Variants in CMTR1 observed in about 807,000 individuals in gnomAD.
CMTR1 encodes the protein cap-specific mRNA (nucleoside-2'-O-)-methyltransferase 1.
In CMTR1, 39 loss-of-function variants were observed where a neutral mutation model predicts 107.0. The ratio of observed to expected loss-of-function variants is 0.36; its 90% CI spans 0.28 to 0.48. The LOEUF (loss-of-function observed/expected upper bound fraction) is 0.48. Among genes scored for constraint, CMTR1 ranks in the 20% least tolerant of loss-of-function variants. The pLI is 0.99. For synonymous variants in CMTR1, 366 were observed against 379.5 expected (o/e 0.96, Z 0.41); for missense variants, 672 against 1,064.9 (o/e 0.63, Z 5.14).
the CMTR1 span, among the ~76,000 whole-genome samples, chr6:37,425,710 C>G: frequency 6.6e-6 from 1 of 152,252 alleles, no homozygotes; most frequent in South Asian, 2.1e-4. Context: ...TTGCTGCTTT[C>G]AAGATTCTCT....
At position 37,473,613 on chromosome 6, in the gene CMTR1, G is replaced by A. The variant is rs768120467; in HGVS notation, c.1821+12G>A. ...TCATCGGCCTGGGGGTAAGTCTGCA[G>A]CTGGCTTCCTGCCCAGCTTGGAATG... On this transcript the variant is annotated intron_variant, in intron 17 of 23. Transcript: ENST00000373451. 19 of 1,611,850 alleles carry A rather than the reference G, an allele frequency of 1.2e-5. No individual in the cohort carries two copies. The highest frequency in any genetic ancestry group is 1.5e-5 in the Non-Finnish European group (18 of 1,178,826).
chr6:37,461,816 C>T, intron 11 of CMTR1, 154 bp from the exon 12 acceptor site: 1 of 929,632 alleles, frequency 1.1e-6, no homozygotes, highest in Non-Finnish European at 1.7e-6. Context: ...TCAAAGTCCC[C>T]TCCAAAGATG....
intron 3 of CMTR1, 133 bp downstream of exon 3, chr6:37,444,283 A>T: frequency 2.8e-6 from 3 of 1,082,088 alleles, no homozygotes; most frequent in Non-Finnish European, 4.0e-6. Flanking sequence ...GAAATTTAGC[A>T]GAGTGTGACC....
upstream of CMTR1, among the ~76,000 whole-genome samples, chr6:37,432,794 C>G (rs1478889106): frequency 3.3e-5 from 5 of 152,184 alleles, no homozygotes; most frequent in African/African-American, 9.7e-5. Context: ...ATGCTACAGG[C>G]GGCATTCCTT....
chr6:37,475,222 C>T, intron 18 of CMTR1, 99 bp from the exon 19 acceptor site: 1 of 928,594 alleles, frequency 1.1e-6, no homozygotes. Context: ...TACCCTTCCC[C>T]CAGCTGTAGG....
rs545981231 is a variant in CMTR1, at chr6:37,469,902, C to T, written c.1506-1119C>T. 4.0e-5 allele frequency among the ~76,000 whole-genome samples: 6 copies of T among 151,212 alleles called. No homozygotes were observed. The South Asian group carries it at 1.2e-3, about 31-fold the overall frequency. ...TATGTTAAGCAGTTTGCTATTGTCCCCAATACCTAGATGATCTGTTTTTTT... is the reference window on the plus strand; with the variant it reads ...TATGTTAAGCAGTTTGCTATTGTCCTCAATACCTAGATGATCTGTTTTTTT... On this transcript the variant is annotated intron_variant, in intron 13 of 23. Coordinates refer to ENST00000373451, the MANE Select transcript of CMTR1 (RefSeq NM_015050.3).
chr6:37,453,388 G>T, intron 8 of CMTR1, 76 bp downstream of exon 8: 1 of 1,316,444 alleles, frequency 7.6e-7, no homozygotes. Flanking sequence ...ATTGCCATTT[G>T]TTCAATGCTA....
At position 37,466,108 on chromosome 6, in the gene CMTR1, G is replaced by GTTTTTTTTTTTTTTTTTTTTTTTT. The variant is rs747910111; in HGVS notation, c.1505+3105_1505+3106insTTTTTTTTTTTTTTTTTTTTTTTT. 1.6e-5 allele frequency among the ~76,000 whole-genome samples: 2 copies of GTTTTTTTTTTTTTTTTTTTTTTTT among 127,712 alleles called. 1 individual carries two copies. The allele number at this position is 127,712 out of a possible 152,430, so 83.8% of individuals were successfully genotyped here. On this transcript the variant is annotated intron_variant, in intron 13 of 23. Coordinates refer to ENST00000373451, the MANE Select transcript of CMTR1 (RefSeq NM_015050.3). Reference sequence around the variant, plus strand: ...CTCTATGTTTTTAAAGAGTTTTACAGTTTTTGTTTTTTTTTTTTTTTTTGA... The same window carrying GTTTTTTTTTTTTTTTTTTTTTTTT: ...CTCTATGTTTTTAAAGAGTTTTACAGTTTTTTTTTTTTTTTTTTTTTTTTTTTTTGTTTTTTTTTTTTTTTTTGA...
At chr6:37,470,348 G>A (rs964487689) in intron 13 of CMTR1, among the ~76,000 whole-genome samples, 4 of 151,982 alleles carry the variant, frequency 2.6e-5, no homozygotes, top group East Asian at 3.9e-4. Context: ...GGGTTTCACC[G>A]TGTTAGCCAG....
chr6:37,436,253 G>C (rs150531727), intron 2 of CMTR1: 1 of 152,532 alleles, frequency 6.6e-6, no homozygotes, highest in Non-Finnish European at 1.5e-5. Flanking sequence ...TGCATTAAGC[G>C]TCGAAGATTT....
At chr6:37,454,842 T>G (rs991182716) in intron 8 of CMTR1, among the ~76,000 whole-genome samples, 3 of 152,076 alleles carry the variant, frequency 2.0e-5, no homozygotes, top group Admixed American at 2.0e-4. Context: ...ATTTCCGTTT[T>G]CCCCTGAGGA....
chr6:37,469,039 G>A (rs889383275), intron 13 of CMTR1, among the ~76,000 whole-genome samples: 2 of 152,032 alleles, frequency 1.3e-5, no homozygotes, highest in Admixed American at 1.3e-4. Context: ...CTCCCTTCTG[G>A]CCAAAGAATT....
At chr6:37,475,438 AG>A in intron 19 of CMTR1, 26 bp downstream of exon 19, 1 of 774,484 alleles carries the variant, frequency 1.3e-6, no homozygotes, top group Non-Finnish European at 2.2e-6. Context: ...CAGGGTAGGG[AG>A]GGTGGGGGTA....
rs760177032 is a variant in CMTR1, at chr6:37,472,617, C to T, written c.1689+130C>T. ...GATGCCCACCATGGGCTCTAAGGGG[C>T]GGAGCTAAGGCTGCCACAGGTGGGA... On this transcript the variant is annotated intron_variant, in intron 16 of 23. Transcript: ENST00000373451. This position sits in a 1 kb window ranked among gnomAD's most constrained non-coding sequence, Gnocchi z 4.1. The T allele has an allele frequency of 4.5e-5, 41 of 906,754 alleles. No homozygotes were observed. The highest frequency in any genetic ancestry group is 1.8e-4 in the African/African-American group (11 of 60,754). 56.2% of individuals were successfully genotyped at this position (906,754 alleles called of 1,614,324 possible). A position where few individuals can be genotyped will look rare whatever the true frequency, so the allele number is the denominator to read the frequency against.
At position 37,449,361 on chromosome 6, in the gene CMTR1, T is replaced by G. The variant is rs984483059; in HGVS notation, c.445-890T>G. On this transcript the variant is annotated intron_variant, in intron 4 of 23. Transcript: ENST00000373451. The stretch of plus-strand genomic sequence containing the variant: ...TTTTGTTCTGTCACCCAGGCTGGAG[T>G]GCAGTGGCGCAATCTCGGCTCACTG... 1.8e-4 allele frequency among the ~76,000 whole-genome samples: 27 copies of G among 152,258 alleles called. No individual in the cohort carries two copies. The South Asian group carries it at 3.1e-3, about 18-fold the overall frequency.
At chr6:37,433,615 G>A (rs1378262625) in intron 1 of CMTR1, among the ~76,000 whole-genome samples, 1 of 152,212 alleles carries the variant, frequency 6.6e-6, no homozygotes, top group Non-Finnish European at 1.5e-5. Flanking sequence ...CAAATGAAGG[G>A]ACTGGCCGGG....
chr6:37,443,858 A>G, intron 2 of CMTR1, 141 bp from the exon 3 acceptor site: 1 of 887,520 alleles, frequency 1.1e-6, no homozygotes, highest in Non-Finnish European at 1.6e-6. Context: ...GAGGTAGAAA[A>G]TAGATTTGAC....
intron 2 of CMTR1, among the ~76,000 whole-genome samples, chr6:37,438,846 C>T (rs1205845431): frequency 6.6e-6 from 1 of 152,210 alleles, no homozygotes; most frequent in Non-Finnish European, 1.5e-5. Context: ...TTGCTGTCTA[C>T]ATATCCCCTG....
chr6:37,444,880 T>G (rs1017570916), intron 3 of CMTR1, among the ~76,000 whole-genome samples: 13 of 151,860 alleles, frequency 8.6e-5, no homozygotes, highest in African/African-American at 3.1e-4. Context: ...CAAAAAATTA[T>G]CCAGGCATGG....
Sources: allele counts gnomAD v4.1 joint callset (sites outside exome capture counted in the v4.1 genomes callset), GRCh38; gene constraint gnomAD v4.1.1; non-coding constraint Gnocchi (gnomAD v3.1); transcripts MANE v1.5; gene names NCBI Gene and HGNC (gene_info 2026-07-23, HGNC 2026-07-21).